STRBP: variants seen among roughly 807,000 people sequenced by gnomAD.
The protein encoded by STRBP is spermatid perinuclear RNA binding protein.
STRBP carries 13 observed loss-of-function variants against 80.1 expected under a neutral mutation model. The ratio of observed to expected loss-of-function variants is 0.16; its 90% CI spans 0.11 to 0.26. The LOEUF (loss-of-function observed/expected upper bound fraction) is 0.26, where lower values mean the gene tolerates loss of function less well. Among genes scored for constraint, STRBP ranks in the 10% least tolerant of loss-of-function variants. The pLI is 1.00. For synonymous variants in STRBP, 284 were observed against 291.2 expected (o/e 0.98, Z 0.25); for missense variants, 485 against 815.2 (o/e 0.59, Z 4.93).
chr9:123,170,807 T>C (rs2037975987), intron 5 of STRBP, among the ~76,000 whole-genome samples: 2 of 152,272 alleles, frequency 1.3e-5, no homozygotes, highest in African/African-American at 4.8e-5. Flanking sequence ...ATACATTAAA[T>C]ATATGATTTA....
intron 2 of STRBP, among the ~76,000 whole-genome samples, chr9:123,228,243 C>T (rs2040299616): frequency 6.6e-6 from 1 of 152,174 alleles, no homozygotes; most frequent in Admixed American, 6.5e-5. Flanking sequence ...AAATGTCTAA[C>T]ATCCTGGTGG....
At chr9:123,116,484 C>T (rs1260113656) in intron 2 of STRBP, among the ~76,000 whole-genome samples, 1 of 152,174 alleles carries the variant, frequency 6.6e-6, no homozygotes, top group Non-Finnish European at 1.5e-5. Context: ...AACAGGCTGC[C>T]TGGCCCAGGG....
chr9:123,218,355 C>CTTTTTTTT (rs10689260), intron 2 of STRBP, among the ~76,000 whole-genome samples: 23 of 102,440 alleles, frequency 2.2e-4, no homozygotes, highest in African/African-American at 4.4e-4. Context: ...TTAAATATGA[C>CTTTTTTTT]TTTTTTTTTT....
intron 2 of STRBP, among the ~76,000 whole-genome samples, chr9:123,224,259 C>CT (rs1554767997): frequency 6.6e-6 from 1 of 152,170 alleles, no homozygotes; most frequent in Non-Finnish European, 1.5e-5. Flanking sequence ...GGGCCCAAAT[C>CT]TTTTTTGTAA....
intron 13 of STRBP, among the ~76,000 whole-genome samples, chr9:123,142,298 G>A (rs1057488123): frequency 2.6e-5 from 4 of 152,068 alleles, no homozygotes; most frequent in Admixed American, 1.3e-4. Flanking sequence ...GCACTTCCTC[G>A]CCCTTCTCTC....
intron 2 of STRBP, among the ~76,000 whole-genome samples, chr9:123,197,843 T>G (rs547034123): frequency 2.0e-5 from 3 of 151,824 alleles, no homozygotes; most frequent in African/African-American, 7.2e-5. Flanking sequence ...TCCCGCTAAT[T>G]TTTGTATTTT....
rs574163878 is a variant in STRBP, at chr9:123,206,597, T to C, written c.-164-22299A>G. On this transcript the variant is annotated intron_variant, in intron 2 of 18. Coordinates refer to ENST00000348403, the MANE Select transcript of STRBP (RefSeq NM_018387.5). ...CACTGGGGTTCTTGCTACTTGTTTATGTCTGAACATTTCCATAATAAGATT... is the reference window on the plus strand; with the variant it reads ...CACTGGGGTTCTTGCTACTTGTTTACGTCTGAACATTTCCATAATAAGATT... Among the ~76,000 whole-genome samples, 23 of 152,314 alleles carry C rather than the reference T, an allele frequency of 1.5e-4. No individual in the cohort carries two copies. In the South Asian group the frequency reaches 4.8e-3, roughly 32 times the overall value.
chr9:123,259,075 A>ATGGG (rs2041103837), intron 1 of STRBP, among the ~76,000 whole-genome samples: 1 of 141,848 alleles, frequency 7.0e-6, no homozygotes, highest in Non-Finnish European at 1.5e-5. Context: ...AAAAAAAAAA[A>ATGGG]GGGGGGGGGA....
At chr9:123,159,498 A>G (rs892924605) in intron 8 of STRBP, among the ~76,000 whole-genome samples, 16 of 152,186 alleles carry the variant, frequency 1.1e-4, no homozygotes, top group African/African-American at 3.4e-4. Context: ...TTCATTTAAT[A>G]AAGACTTAAC....
At chr9:123,134,553 T>C (rs562107377) in intron 16 of STRBP, among the ~76,000 whole-genome samples, 8 of 152,198 alleles carry the variant, frequency 5.3e-5, no homozygotes, top group Admixed American at 5.2e-4. Flanking sequence ...ATTGAACACA[T>C]GAGTTTTATA....
intron 13 of STRBP, among the ~76,000 whole-genome samples, chr9:123,141,926 T>TA (rs1484641542): frequency 6.6e-6 from 1 of 152,226 alleles, no homozygotes; most frequent in African/African-American, 2.4e-5. Context: ...AAGATTCTCT[T>TA]AACCAAACTC....
chr9:123,214,145 TACACACACACACACAC>T (rs138090782), intron 2 of STRBP, among the ~76,000 whole-genome samples: 12 of 141,354 alleles, frequency 8.5e-5, no homozygotes, highest in African/African-American at 3.2e-4. Context: ...TATATATGTA[TACACACACACACACAC>T]ACACACACAC....
At chr9:123,195,404 ATTATCC>A (rs1461002349) in intron 2 of STRBP, among the ~76,000 whole-genome samples, 1 of 152,216 alleles carries the variant, frequency 6.6e-6, no homozygotes, top group African/African-American at 2.4e-5. Context: ...AAGAAGCCAA[ATTATCC>A]TTATTTGCAG....
chr9:123,156,048 C>G (rs558712503), intron 11 of STRBP, among the ~76,000 whole-genome samples: 2 of 150,696 alleles, frequency 1.3e-5, no homozygotes, highest in African/African-American at 4.9e-5. Flanking sequence ...CAGCAGTTCC[C>G]AAACTTTTGA....
At chr9:123,146,561 G>A (rs1011061713) in intron 13 of STRBP, among the ~76,000 whole-genome samples, 1 of 147,150 alleles carries the variant, frequency 6.8e-6, no homozygotes, top group African/African-American at 2.5e-5. Flanking sequence ...AATAGAAAAT[G>A]ATGGGAAATA....
intron 2 of STRBP, among the ~76,000 whole-genome samples, chr9:123,206,392 T>C (rs1361551324): frequency 6.6e-6 from 1 of 152,168 alleles, no homozygotes; most frequent in Non-Finnish European, 1.5e-5. Flanking sequence ...TGAGTTTCAT[T>C]TTGGAATGGG....
chr9:123,161,418 G>C (rs2037518161), intron 6 of STRBP, among the ~76,000 whole-genome samples: 1 of 152,016 alleles, frequency 6.6e-6, no homozygotes, highest in African/African-American at 2.4e-5. Flanking sequence ...CCTTTGGCAG[G>C]ATGCAAAGAA....
intron 1 of STRBP, among the ~76,000 whole-genome samples, chr9:123,247,304 G>A (rs1460710416): frequency 6.6e-6 from 1 of 151,852 alleles, no homozygotes; most frequent in African/African-American, 2.4e-5. Context: ...AGTTTTGCTC[G>A]TCACCCAGGC....
chr9:123,233,559 C>T (rs1417889407), intron 2 of STRBP, among the ~76,000 whole-genome samples: 1 of 152,140 alleles, frequency 6.6e-6, no homozygotes, highest in Non-Finnish European at 1.5e-5. Context: ...ATGTAAGATA[C>T]AGTTAATGAA....
Sources: allele counts gnomAD v4.1 joint callset (sites outside exome capture counted in the v4.1 genomes callset), GRCh38; gene constraint gnomAD v4.1.1; transcripts MANE v1.5; gene names NCBI Gene and HGNC (gene_info 2026-07-23, HGNC 2026-07-21).